Variants in DMAP1 observed in about 807,000 individuals in gnomAD.
The protein encoded by DMAP1 is DNA methyltransferase 1-associated protein 1.
In DMAP1, 26 loss-of-function variants were observed where a neutral mutation model predicts 52.7. That is an observed-to-expected ratio of 0.49 (90% CI 0.36 to 0.68). The LOEUF (loss-of-function observed/expected upper bound fraction) is 0.68. Among genes scored for constraint, DMAP1 ranks in the 30% least tolerant of loss-of-function variants. The probability of loss-of-function intolerance (pLI) is 0.00; values close to 1 mark genes in which losing one functional copy is unlikely to be tolerated. For synonymous variants in DMAP1, 231 were observed against 246.0 expected (o/e 0.94, Z 0.57); for missense variants, 439 against 625.2 (o/e 0.70, Z 3.18).
rs931670929 is a variant in DMAP1 at position 44,213,471 on chromosome 1, G to A, written c.-283G>A. On this transcript the variant is annotated 5_prime_UTR_variant, in exon 1 of 10. Transcript: ENST00000372289. This position sits in a 1 kb window ranked among gnomAD's most constrained non-coding sequence, Gnocchi z 4.5. ...CGAATGAGCACCGCCGGAAGTTTCT[G>A]CCGCGGCTTTGCGGGGACGGGGGAG... is the stretch of plus-strand genomic sequence containing the variant. The A allele has an allele frequency of 1.2e-4, 44 of 379,398 alleles. 2 individuals are homozygous for A. Among genetic ancestry groups the A allele is most frequent in the South Asian group, 5.2e-4 (14 of 26,902 alleles). The allele number at this position is 379,398 out of a possible 1,614,324, so 23.5% of individuals were successfully genotyped here.
In DMAP1 at chr1:44,213,484, G is replaced by A. The variant is rs1157048507; in HGVS notation, c.-270G>A. On this transcript the variant is annotated 5_prime_UTR_variant, in exon 1 of 10. Transcript: ENST00000372289. This position sits in a 1 kb window ranked among gnomAD's most constrained non-coding sequence, Gnocchi z 4.5. Reference sequence around the variant, plus strand: ...CCGGAAGTTTCTGCCGCGGCTTTGCGGGGACGGGGGAGTGGTAGTGGGGGC... The same window carrying A: ...CCGGAAGTTTCTGCCGCGGCTTTGCAGGGACGGGGGAGTGGTAGTGGGGGC... The A allele has an allele frequency of 2.5e-6, 1 of 399,278 alleles. No homozygotes were observed. Among genetic ancestry groups the A allele is most frequent in the Admixed American group, 4.2e-5 (1 of 23,960 alleles). The allele number at this position is 399,278 out of a possible 1,614,324, so 24.7% of individuals were successfully genotyped here. A position where few individuals can be genotyped will look rare whatever the true frequency, so the allele number is the denominator to read the frequency against.
rs199940103 is a variant in DMAP1, at chr1:44,214,814, G to C, written c.309G>C (p.Pro103=). ...GGAAGTGGATGCCATTCACCAACCC[G>C]GCCCGCAAGGACGGAGCAATGTTCT... ...RPWKWMPFTN[P]ARKDGAMFFH... is the part of the protein sequence containing the mutation. The change falls in exon 3 of 10, where the codon CCG becomes CCC. Residue 103 remains proline, a synonymous_variant. Transcript: ENST00000372289. The C allele has an allele frequency of 6.2e-7, 1 of 1,614,158 alleles. No individual in the cohort carries two copies. Among genetic ancestry groups the C allele is most frequent in the Non-Finnish European group, 8.5e-7 (1 of 1,180,032 alleles).
intron 3 of DMAP1, chr1:44,217,075 C>T (rs1643808912): frequency 6.6e-6 from 1 of 152,168 alleles, no homozygotes; most frequent in South Asian, 2.1e-4. Flanking sequence ...TATTTCTAAA[C>T]CATCAGAGAC....
chr1:44,215,167 G>A (rs961602872), intron 3 of DMAP1: 2 of 599,072 alleles, frequency 3.3e-6, no homozygotes, highest in Non-Finnish European at 6.2e-6. Flanking sequence ...TGTATCCTAG[G>A]TGCTCTAGTC....
Position 44,213,777 on chromosome 1 carries a change from G to C in DMAP1, c.24G>C (p.Arg8=). The C allele has an allele frequency of 6.3e-7, 1 of 1,589,236 alleles. No individual in the cohort carries two copies. Among genetic ancestry groups the C allele is most frequent in the East Asian group, 2.3e-5 (1 of 43,010 alleles). MATGADV[R]DILELGGPEG... is the part of the protein sequence containing the mutation. ...CGATGGCTACGGGCGCGGATGTACG[G>C]GACATTCTAGAACTCGGGGGTCCAG... is the stretch of plus-strand genomic sequence containing the variant. Residue 8 remains arginine (R), a synonymous_variant, in exon 1 of 10, where the codon CGG becomes CGC. Coordinates refer to ENST00000372289, the MANE Select transcript of DMAP1 (RefSeq NM_019100.5). The surrounding 1 kb of genome is among the most constrained non-coding windows in gnomAD (Gnocchi z 4.5).
rs533610062 is a variant in DMAP1, at chr1:44,214,998, T to C, written c.393+100T>C. The C allele has an allele frequency of 5.1e-4, 700 of 1,372,274 alleles. 1 individual carries two copies. In the African/African-American group the frequency reaches 8.9e-3, roughly 18 times the overall value. 85.0% of individuals were successfully genotyped at this position (1,372,274 alleles called of 1,614,324 possible). On this transcript the variant is annotated intron_variant, in intron 3 of 9. Transcript: ENST00000372289. Reference sequence around the variant, plus strand: ...CCTAGGGTTGGTTCTGGGGGCACGCTTATGCCCAACTGTGATTACCCACTC... The same window carrying C: ...CCTAGGGTTGGTTCTGGGGGCACGCCTATGCCCAACTGTGATTACCCACTC...
Position 44,219,485 on chromosome 1 carries a change from A to G in DMAP1, c.978+8A>G. Reference sequence around the variant, plus strand: ...ACGCTGCGGAGCCAACGGGTACGTGAGTCACCTCCTTTAGCAAGTTTGGGT... The same window carrying G: ...ACGCTGCGGAGCCAACGGGTACGTGGGTCACCTCCTTTAGCAAGTTTGGGT... On this transcript the variant is annotated splice_region_variant and intron_variant, in intron 7 of 9. Transcript: ENST00000372289. 6.4e-7 allele frequency: 1 copy of G among 1,565,710 alleles called. No individual in the cohort carries two copies. Among genetic ancestry groups the G allele is most frequent in the Non-Finnish European group, 8.6e-7 (1 of 1,161,560 alleles).
intron 1 of DMAP1, among the ~76,000 whole-genome samples, 182 bp downstream of exon 1, chr1:44,214,040 A>G (rs1452656433): frequency 6.6e-6 from 1 of 152,188 alleles, no homozygotes. Context: ...ACATCGTGGG[A>G]GATGGTGGGA....
rs770727135 is a variant in DMAP1, at chr1:44,220,667, A to C, written c.*49A>C. 2.5e-6 allele frequency: 4 copies of C among 1,609,524 alleles called. No individual in the cohort carries two copies. Among genetic ancestry groups the C allele is most frequent in the Non-Finnish European group, 3.4e-6 (4 of 1,176,880 alleles). ...CGCTGTTATGTAAATAGAGCTGCTG[A>C]GTTGGACCAGGCTGCTTCCTTTTCC... On this transcript the variant is annotated 3_prime_UTR_variant, in exon 10 of 10. Transcript: ENST00000372289.
Position 44,220,030 on chromosome 1 carries a change from A to G in DMAP1, c.1065A>G (p.Thr355=). The stretch of plus-strand genomic sequence containing the variant: ...GCCTGCCTGCAGAGCTGAGCCCGAC[A>G]CCTACGGAGGAGCTGGTGCACATGT... ...LLELGVELSP[T]PTEELVHMFN... The change falls in exon 9 of 10, where the codon ACA becomes ACG. Residue 355 remains threonine (T), a synonymous_variant. Coordinates refer to ENST00000372289, the MANE Select transcript of DMAP1 (RefSeq NM_019100.5). The G allele has an allele frequency of 6.2e-7, 1 of 1,600,108 alleles. No individual in the cohort carries two copies.
At position 44,220,264 on chromosome 1, in the gene DMAP1, G is replaced by T; in HGVS notation, c.1299G>T (p.Lys433Asn). Residue 433 changes from lysine to asparagine, a missense_variant, in exon 9 of 10, where the codon AAG (lysine) becomes AAT (asparagine). Physicochemically the swap from Lys to Asn is moderately conservative, Grantham distance 94. Transcript: ENST00000372289. ...VTEPGLGPDP[K>N]DTIIDVVGAP... ...AACCCGGACTTGGTCCTGACCCCAAGGACACCATCATTGATGTGGTGGGCG... is the reference window on the plus strand; with the variant it reads ...AACCCGGACTTGGTCCTGACCCCAATGACACCATCATTGATGTGGTGGGCG... The T allele has an allele frequency of 6.4e-7, 1 of 1,566,820 alleles. No individual in the cohort carries two copies. The highest frequency in any genetic ancestry group is 1.2e-5 in the South Asian group (1 of 85,436).
chr1:44,213,942 G>A lies in DMAP1; in HGVS notation c.105+84G>A. On this transcript the variant is annotated intron_variant, in intron 1 of 9. Coordinates refer to ENST00000372289, the MANE Select transcript of DMAP1 (RefSeq NM_019100.5). The surrounding 1 kb of genome is among the most constrained non-coding windows in gnomAD (Gnocchi z 4.5). Reference sequence around the variant, plus strand: ...GAGTGACAACGGGCAAGGGATGGGTGCTACACTTACAGTGAGTTGGGCGAT... The same window carrying A: ...GAGTGACAACGGGCAAGGGATGGGTACTACACTTACAGTGAGTTGGGCGAT... 3 of 1,252,146 alleles carry A rather than the reference G, an allele frequency of 2.4e-6. No homozygotes were observed. The highest frequency in any genetic ancestry group is 3.4e-6 in the Non-Finnish European group (3 of 880,666). The allele number at this position is 1,252,146 out of a possible 1,614,324, so 77.6% of individuals were successfully genotyped here. A position where few individuals can be genotyped will look rare whatever the true frequency, so the allele number is the denominator to read the frequency against.
intron 8 of DMAP1, 22 bp downstream of exon 8, chr1:44,219,900 C>T (rs1442254780): frequency 6.2e-7 from 1 of 1,614,064 alleles, no homozygotes; most frequent in East Asian, 2.2e-5. Flanking sequence ...GACTGGGCCC[C>T]ATAGGGTGTA....
chr1:44,218,879 C>A lies in DMAP1; in HGVS notation c.720+124C>A. ...CTCCCACTGATACCTTATTAACTGC[C>A]CCAAGCCCATTCCTACTTCTCATGG... On this transcript the variant is annotated intron_variant, in intron 5 of 9. Coordinates refer to ENST00000372289, the MANE Select transcript of DMAP1 (RefSeq NM_019100.5). The surrounding 1 kb of genome is among the most constrained non-coding windows in gnomAD (Gnocchi z 5.6). 1.4e-6 allele frequency: 2 copies of A among 1,440,112 alleles called. No homozygotes were observed. The highest frequency in any genetic ancestry group is 1.9e-6 in the Non-Finnish European group (2 of 1,063,900). The allele number at this position is 1,440,112 out of a possible 1,614,324, so 89.2% of individuals were successfully genotyped here. A position where few individuals can be genotyped will look rare whatever the true frequency, so the allele number is the denominator to read the frequency against.
chr1:44,214,678 G>A (rs751061228), intron 2 of DMAP1, 25 bp from the exon 3 acceptor site: 8 of 1,611,456 alleles, frequency 5.0e-6, no homozygotes, highest in East Asian at 2.2e-5. Context: ...TTCTAACCTC[G>A]CATCTCCCTA....
chr1:44,216,491 AAGTATTGGGAT>A (rs1193231061), intron 3 of DMAP1: 4 of 152,226 alleles, frequency 2.6e-5, no homozygotes, highest in South Asian at 4.2e-4. Flanking sequence ...CAGCCTCCCA[AAGTATTGGGAT>A]TACAGGCGTG....
intron 2 of DMAP1, 118 bp downstream of exon 2, chr1:44,214,559 GCAGGATGCAGGAGGA>G (rs757170498): frequency 6.2e-7 from 1 of 1,612,398 alleles, no homozygotes; most frequent in African/African-American, 1.3e-5. Context: ...TGCTTGCTTA[GCAGGATGCAGGAGGA>G]CCTGAAGTCT....
Position 44,218,781 on chromosome 1 carries a change from C to T in DMAP1, c.720+26C>T. 6.3e-7 allele frequency: 1 copy of T among 1,575,814 alleles called. No homozygotes were observed. Among genetic ancestry groups the T allele is most frequent in the Non-Finnish European group, 8.6e-7 (1 of 1,156,258 alleles). On this transcript the variant is annotated intron_variant, in intron 5 of 9. Transcript: ENST00000372289. This position sits in a 1 kb window ranked among gnomAD's most constrained non-coding sequence, Gnocchi z 5.6. ...GTAAGCCCAAGGCCACATACCTGTCCTCCATGCCCCAAACCCCTTGCTCAT... is the reference window on the plus strand; with the variant it reads ...GTAAGCCCAAGGCCACATACCTGTCTTCCATGCCCCAAACCCCTTGCTCAT...
At position 44,213,718 on chromosome 1, in the gene DMAP1, C is replaced by T; in HGVS notation, c.-36C>T. On this transcript the variant is annotated 5_prime_UTR_variant, in exon 1 of 10. Coordinates refer to ENST00000372289, the MANE Select transcript of DMAP1 (RefSeq NM_019100.5). This position sits in a 1 kb window ranked among gnomAD's most constrained non-coding sequence, Gnocchi z 4.5. ...CCTGGTCCTTCTTCAGGCACTGACC[C>T]TTGACCTCCGGTGGCTCCCCCATCT... The T allele has an allele frequency of 1.3e-6, 2 of 1,550,576 alleles. No homozygotes were observed. Among genetic ancestry groups the T allele is most frequent in the African/African-American group, 1.4e-5 (1 of 73,216 alleles).
Sources: allele counts gnomAD v4.1 joint callset (sites outside exome capture counted in the v4.1 genomes callset), GRCh38; gene constraint gnomAD v4.1.1; non-coding constraint Gnocchi (gnomAD v3.1); transcripts MANE v1.5; gene names NCBI Gene and HGNC (gene_info 2026-07-23, HGNC 2026-07-21).